PRMT8: variants seen among roughly 807,000 people sequenced by gnomAD.
PRMT8 encodes the protein protein arginine N-methyltransferase 8.
PRMT8 carries 7 observed loss-of-function variants against 47.1 expected under a neutral mutation model. The observed-to-expected ratio is 0.15, with a 90% CI of 0.08 to 0.28. The LOEUF (loss-of-function observed/expected upper bound fraction) is 0.28. PRMT8 is among the 10% of genes least tolerant of loss of function. The probability of loss-of-function intolerance (pLI) is 1.00; values close to 1 mark genes in which losing one functional copy is unlikely to be tolerated. For synonymous variants in PRMT8, 188 were observed against 186.5 expected, an observed-to-expected ratio of 1.01 and a Z score of -0.07; for missense variants, 237 against 505.4, an observed-to-expected ratio of 0.47 and a Z score of 5.09.
intron 1 of PRMT8, among the ~76,000 whole-genome samples, chr12:3,420,593 C>T (rs1386794243): frequency 2.0e-5 from 3 of 152,144 alleles, no homozygotes; most frequent in Non-Finnish European, 4.4e-5. Context: ...GGTGCAGGCC[C>T]CACTGAGAAT....
intron 1 of PRMT8, among the ~76,000 whole-genome samples, chr12:3,485,932 G>A (rs1332736354): frequency 6.6e-6 from 1 of 152,182 alleles, no homozygotes; most frequent in African/African-American, 2.4e-5. Flanking sequence ...GAAAGGAAAA[G>A]GTGGACTCAA....
intron 1 of PRMT8, 132 bp downstream of exon 1, chr12:3,491,832 C>A: frequency 1.9e-6 from 1 of 535,490 alleles, no homozygotes; most frequent in Admixed American, 4.1e-5. Context: ...CGGCCTCCTC[C>A]TGTGTGTGTG....
intron 1 of PRMT8, among the ~76,000 whole-genome samples, chr12:3,413,772 C>CAAA (rs1864456651): frequency 7.0e-6 from 1 of 142,172 alleles, no homozygotes. Flanking sequence ...GAAAAAAAAC[C>CAAA]AATAAAAAAT....
chr12:3,416,727 G>C (rs1053112682), intron 1 of PRMT8, among the ~76,000 whole-genome samples: 6 of 152,344 alleles, frequency 3.9e-5, no homozygotes, highest in East Asian at 1.9e-4. Flanking sequence ...AGTCAGGAGA[G>C]AGCAGATATT....
At chr12:3,561,996 G>A (rs1358841125) in intron 4 of PRMT8, among the ~76,000 whole-genome samples, 2 of 152,168 alleles carry the variant, frequency 1.3e-5, no homozygotes, top group South Asian at 2.1e-4. Context: ...GCCATCATTG[G>A]CCATGGTGGA....
At position 3,484,160 on chromosome 12, in the gene PRMT8, G is replaced by A. The variant is rs111654403; in HGVS notation, c.49-56446G>A. ...TTCCCATCAGTTTTACAGTGGGAAGGAGGGGGCGTTCTGCTCTTCAGCCTT... is the reference window on the plus strand; with the variant it reads ...TTCCCATCAGTTTTACAGTGGGAAGAAGGGGGCGTTCTGCTCTTCAGCCTT... On this transcript the variant is annotated intron_variant, in intron 1 of 9. Transcript: ENST00000452611. Among the ~76,000 whole-genome samples the A allele has an allele frequency of 7.7e-3, 1,175 of 152,296 alleles. 5 individuals are homozygous for A. The highest frequency in any genetic ancestry group is 0.013 in the Non-Finnish European group (881 of 68,018).
chr12:3,565,963 C>T (rs148502193), intron 4 of PRMT8, among the ~76,000 whole-genome samples: 115 of 152,108 alleles, frequency 7.6e-4, no homozygotes, highest in African/African-American at 2.4e-3. Flanking sequence ...CATGAGGCCC[C>T]GGAGGCAGGA....
At position 3,550,170 on chromosome 12, in the gene PRMT8, A is replaced by T; in HGVS notation, c.417+79A>T. On this transcript the variant is annotated intron_variant, in intron 3 of 9. Coordinates refer to ENST00000382622, the MANE Select transcript of PRMT8 (RefSeq NM_019854.5). This position sits in a 1 kb window ranked among gnomAD's most constrained non-coding sequence, Gnocchi z 5.1. ...CCTCTGCCTCCACCCGCCCTTCTAG[A>T]AGTACAAAATTTGGTCCATCTCTTT... The T allele has an allele frequency of 1.3e-6, 2 of 1,567,004 alleles. No individual in the cohort carries two copies. Among genetic ancestry groups the T allele is most frequent in the Non-Finnish European group, 1.7e-6 (2 of 1,149,972 alleles).
At chr12:3,506,078 G>T (rs1006543688) in intron 1 of PRMT8, among the ~76,000 whole-genome samples, 1 of 152,182 alleles carries the variant, frequency 6.6e-6, no homozygotes, top group Admixed American at 6.5e-5. Context: ...GGGGTTAATT[G>T]TGCAGGCTCT....
intron 1 of PRMT8, among the ~76,000 whole-genome samples, chr12:3,450,712 T>G (rs1263970861): frequency 1.3e-5 from 2 of 152,250 alleles, no homozygotes; most frequent in African/African-American, 4.8e-5. Flanking sequence ...ACAACTATCA[T>G]GCTTTGATAT....
chr12:3,549,994 A>C lies in PRMT8; in HGVS notation c.320A>C (p.Lys107Thr), dbSNP rs776988641. Residue 107 changes from lysine (K) to threonine (T), a missense_variant, in exon 3 of 10, where the codon AAG becomes ACG. By Grantham distance (78) the Lys-to-Thr change is moderately conservative. Around this residue, in one of 5 missense-constraint regions of PRMT8, gnomAD observed 32 missense variants for 73.7 expected, o/e 0.43. Transcript: ENST00000382622. ...LTYRNSMYHN[K>T]HVFKDKVVLD... ...TACCGGAACTCCATGTACCACAACA[A>C]GCACGTGTTCAAGGACAAAGTGGTA... 6.2e-7 allele frequency: 1 copy of C among 1,614,124 alleles called. No homozygotes were observed. Among genetic ancestry groups the C allele is most frequent in the African/African-American group, 1.3e-5 (1 of 74,940 alleles).
rs182618493 is a variant in PRMT8 at position 3,479,101 on chromosome 12, T to C, written c.49-61505T>C. Among the ~76,000 whole-genome samples, 188 of 152,356 alleles carry C rather than the reference T, an allele frequency of 1.2e-3. 1 individual carries two copies. The highest frequency in any genetic ancestry group is 4.4e-3 in the African/African-American group (185 of 41,586). On this transcript the variant is annotated intron_variant, in intron 1 of 9. Coordinates refer to the PRMT8 transcript ENST00000452611. ...TGGCCTGGATTCCCTGGCAGGCTTCTCCACAGAGGATAGTTTGGAGGCTCT... is the reference window on the plus strand; with the variant it reads ...TGGCCTGGATTCCCTGGCAGGCTTCCCCACAGAGGATAGTTTGGAGGCTCT...
At chr12:3,398,768 T>C (rs1864288800) in intron 1 of PRMT8, among the ~76,000 whole-genome samples, 3 of 152,196 alleles carry the variant, frequency 2.0e-5, no homozygotes, top group Admixed American at 2.0e-4. Flanking sequence ...CATTACTGTT[T>C]AGCCTGGAAG....
At chr12:3,498,771 G>A (rs887008348) in intron 1 of PRMT8, among the ~76,000 whole-genome samples, 5 of 152,146 alleles carry the variant, frequency 3.3e-5, no homozygotes, top group Admixed American at 6.6e-5. Context: ...ATTTATCTTT[G>A]TAGTTTCATC....
chr12:3,413,934 G>A (rs967926011), intron 1 of PRMT8, among the ~76,000 whole-genome samples: 1 of 152,014 alleles, frequency 6.6e-6, no homozygotes. Context: ...CTTGAACAAC[G>A]ACAGATTTTG....
At position 3,570,603 on chromosome 12, in the gene PRMT8, C is replaced by G. The variant is rs566790075; in HGVS notation, c.712+1039C>G. ...AGAGGCTAAGACTCCATCCACAGTT[C>G]AACAAATTGTGGCTCTGTGGATTTA... On this transcript the variant is annotated intron_variant, in intron 6 of 9. Transcript: ENST00000382622. This position sits in a 1 kb window ranked among gnomAD's most constrained non-coding sequence, Gnocchi z 5.5. Among the ~76,000 whole-genome samples, 1 of 152,340 alleles carries G rather than the reference C, an allele frequency of 6.6e-6. No homozygotes were observed. Among genetic ancestry groups the G allele is most frequent in the South Asian group, 2.1e-4 (1 of 4,828 alleles).
At chr12:3,588,012 G>C (rs892951408) in intron 8 of PRMT8, among the ~76,000 whole-genome samples, 4 of 152,180 alleles carry the variant, frequency 2.6e-5, no homozygotes, top group African/African-American at 9.7e-5. Flanking sequence ...TGGGAACTGG[G>C]GCCCCTGGGG....
chr12:3,454,103 G>A (rs972305794), intron 1 of PRMT8, among the ~76,000 whole-genome samples: 9 of 152,144 alleles, frequency 5.9e-5, no homozygotes, highest in African/African-American at 1.9e-4. Context: ...GGCCAAACAC[G>A]GAGGCCCATC....
intron 1 of PRMT8, among the ~76,000 whole-genome samples, chr12:3,389,000 C>G (rs188888442): frequency 6.6e-6 from 1 of 152,260 alleles, no homozygotes; most frequent in African/African-American, 2.4e-5. Flanking sequence ...TTGATTCCAT[C>G]CCACGGTGCC....
Sources: allele counts gnomAD v4.1 joint callset (sites outside exome capture counted in the v4.1 genomes callset), GRCh38; gene constraint gnomAD v4.1.1; regional missense constraint gnomAD v4.1.1; non-coding constraint Gnocchi (gnomAD v3.1); transcripts MANE v1.5; gene names NCBI Gene and HGNC (gene_info 2026-07-23, HGNC 2026-07-21).